METTL2A: variants seen among roughly 807,000 people sequenced by gnomAD.
The protein encoded by METTL2A is tRNA N(3)-cytidine methyltransferase METTL2A.
METTL2A carries 45 observed loss-of-function variants against 49.4 expected under a neutral mutation model. The ratio of observed to expected loss-of-function variants is 0.91; its 90% confidence interval spans 0.72 to 1.17. The LOEUF is 1.17. METTL2A is among the 50% of genes most tolerant of loss of function. The pLI, the probability that METTL2A is intolerant of heterozygous loss-of-function variation, is 0.00. For missense variants in METTL2A, 361 were observed against 462.2 expected (o/e 0.78, Z 2.01); for synonymous variants, 118 against 167.5 (o/e 0.70, Z 2.28).
At chr17:62,446,191 T>G (rs544425467) in intron 7 of METTL2A, among the ~76,000 whole-genome samples, 1 of 152,346 alleles carries the variant, frequency 6.6e-6, no homozygotes, top group South Asian at 2.1e-4. Context: ...TTTGCCGTTA[T>G]TGCCCAGGCT....
At chr17:62,436,111 C>T (rs1373289596) in intron 5 of METTL2A, among the ~76,000 whole-genome samples, 5 of 152,072 alleles carry the variant, frequency 3.3e-5, no homozygotes, top group South Asian at 4.1e-4. Flanking sequence ...CAAAAAATGG[C>T]GCATACCTGT....
chr17:62,446,988 G>A (rs2070773141), intron 7 of METTL2A, among the ~76,000 whole-genome samples: 1 of 152,204 alleles, frequency 6.6e-6, no homozygotes, highest in Admixed American at 6.6e-5. Context: ...GGGAAAGCAT[G>A]TTCATGATCA....
chr17:62,434,635 A>AT (rs1201787716), intron 4 of METTL2A, among the ~76,000 whole-genome samples: 3 of 152,192 alleles, frequency 2.0e-5, no homozygotes, highest in Admixed American at 6.6e-5. Flanking sequence ...TAAAATCAAC[A>AT]TTTTTTGTGT....
intron 6 of METTL2A, among the ~76,000 whole-genome samples, chr17:62,441,784 C>T (rs1446123964): frequency 4.7e-5 from 7 of 149,576 alleles, no homozygotes; most frequent in African/African-American, 1.2e-4. Context: ...TCTGTTGCCC[C>T]GGCTGGGGTG....
rs376499301 is a variant in METTL2A at position 62,448,677 on chromosome 17, G to C, written c.1085G>C (p.Arg362Pro). ...VNRGKQLTMYRVWIQCKYCKP... is the reference protein window; with the variant it reads ...VNRGKQLTMYPVWIQCKYCKP... Reference sequence around the variant, plus strand: ...CGAGGAAAGCAACTGACAATGTACCGGGTTTGGATTCAGTGCAAATACTGC... The same window carrying C: ...CGAGGAAAGCAACTGACAATGTACCCGGTTTGGATTCAGTGCAAATACTGC... The change falls in exon 9 of 9, where the codon CGG (arginine) becomes CCG (proline). Residue 362 changes from arginine to proline, a missense_variant. Arg to Pro is a moderately radical substitution (Grantham distance 103). Around this residue, in one of 3 missense-constraint regions of METTL2A, gnomAD observed 183 missense variants for 216.5 expected, o/e 0.85. Transcript: ENST00000311506. The C allele has an allele frequency of 6.2e-7, 1 of 1,614,144 alleles. No individual in the cohort carries two copies. Among genetic ancestry groups the C allele is most frequent in the Admixed American group, 1.7e-5 (1 of 59,982 alleles).
chr17:62,447,705 G>C lies in METTL2A; in HGVS notation c.921G>C (p.Gln307His). The C allele has an allele frequency of 6.2e-7, 1 of 1,614,170 alleles. No homozygotes were observed. Among genetic ancestry groups the C allele is most frequent in the Non-Finnish European group, 8.5e-7 (1 of 1,180,004 alleles). The change falls in exon 8 of 9, where the codon CAG becomes CAC. Residue 307 changes from glutamine to histidine, a missense_variant. By Grantham distance (24) the Gln-to-His change is conservative. Coordinates refer to ENST00000311506, the MANE Select transcript of METTL2A (RefSeq NM_181725.4). ...DMAQLRFKKG[Q>H]CLSGNFYVRG... ...TTTTAACACATCACTCTGCAGGTCA[G>C]TGTCTATCTGGAAATTTCTACGTGA...
chr17:62,426,021 C>T (rs974600990), intron 2 of METTL2A, among the ~76,000 whole-genome samples: 4 of 150,666 alleles, frequency 2.7e-5, no homozygotes, highest in African/African-American at 9.8e-5. Flanking sequence ...AAAAAGGCAT[C>T]CAAAGATGTA....
intron 3 of METTL2A, 106 bp from the exon 4 acceptor site, chr17:62,427,682 A>G: frequency 6.5e-7 from 1 of 1,548,346 alleles, no homozygotes; most frequent in Non-Finnish European, 8.7e-7. Flanking sequence ...ACCTTCCCTA[A>G]TACAGTTAGG....
intron 6 of METTL2A, among the ~76,000 whole-genome samples, chr17:62,441,137 C>G (rs2070736406): frequency 2.0e-5 from 3 of 152,128 alleles, no homozygotes. Context: ...GAGTTGGGCT[C>G]AAAGTAAAAA....
At chr17:62,436,989 T>G (rs2070704994) in intron 5 of METTL2A, among the ~76,000 whole-genome samples, 1 of 152,242 alleles carries the variant, frequency 6.6e-6, no homozygotes, top group Non-Finnish European at 1.5e-5. Flanking sequence ...TTGATCTCAA[T>G]AAACCACTTT....
intron 7 of METTL2A, among the ~76,000 whole-genome samples, chr17:62,446,468 G>T (rs1439815871): frequency 4.6e-5 from 7 of 152,112 alleles, no homozygotes; most frequent in Non-Finnish European, 8.8e-5. Flanking sequence ...GTGCCACCAC[G>T]CCTGGCTAAT....
rs750767944 is a variant in METTL2A, at chr17:62,444,208, G to A, written c.810-629G>A. ...CTCAGGATTCAGCTCAGCCACAGGC[G>A]CACAGGGCAAAGATGGCTATCTAGG... On this transcript the variant is annotated intron_variant, in intron 6 of 8. Coordinates refer to ENST00000311506, the MANE Select transcript of METTL2A (RefSeq NM_181725.4). Among the ~76,000 whole-genome samples, 7 of 152,226 alleles carry A rather than the reference G, an allele frequency of 4.6e-5. No individual in the cohort carries two copies. The South Asian group carries it at 8.3e-4, about 18-fold the overall frequency.
intron 4 of METTL2A, among the ~76,000 whole-genome samples, chr17:62,429,447 C>T (rs888346093): frequency 2.0e-5 from 3 of 151,942 alleles, no homozygotes; most frequent in African/African-American, 7.3e-5. Context: ...CATGCCACCA[C>T]ACACAACTAA....
chr17:62,428,142 T>A (rs1456599685), intron 4 of METTL2A, among the ~76,000 whole-genome samples: 1 of 152,248 alleles, frequency 6.6e-6, no homozygotes, highest in Non-Finnish European at 1.5e-5. Flanking sequence ...AAAATTAGAC[T>A]TAAAACTTGC....
chr17:62,445,195 A>G (rs954753943), intron 7 of METTL2A, among the ~76,000 whole-genome samples: 1 of 151,930 alleles, frequency 6.6e-6, no homozygotes, highest in Non-Finnish European at 1.5e-5. Context: ...CCTAATGTAG[A>G]TGACGGGTTG....
At position 62,435,289 on chromosome 17, in the gene METTL2A, C is replaced by G. The variant is rs1362485617; in HGVS notation, c.666C>G (p.Val222=). Residue 222 remains valine (V), a synonymous_variant, in exon 5 of 9, where the codon GTC becomes GTG. Transcript: ENST00000311506. ...CDFSSTAIEL[V]QTNSEYDPSR... ...TTTCTTCCACAGCTATAGAACTGGT[C>G]CAGGTGAGTACAATGGGAAATTACC... The G allele has an allele frequency of 1.2e-6, 2 of 1,613,676 alleles. No individual in the cohort carries two copies. Among genetic ancestry groups the G allele is most frequent in the Non-Finnish European group, 1.7e-6 (2 of 1,179,848 alleles).
At chr17:62,435,575 T>C (rs371927467) in intron 5 of METTL2A, among the ~76,000 whole-genome samples, 1 of 152,232 alleles carries the variant, frequency 6.6e-6, no homozygotes, top group Non-Finnish European at 1.5e-5. Flanking sequence ...TTAGTATCTA[T>C]GTGTCATGCT....
At chr17:62,428,790 T>C (rs1226518818) in intron 4 of METTL2A, among the ~76,000 whole-genome samples, 1 of 152,226 alleles carries the variant, frequency 6.6e-6, no homozygotes, top group East Asian at 1.9e-4. Context: ...TCAAGGGGTT[T>C]TTTTTAGTTT....
intron 6 of METTL2A, 129 bp downstream of exon 6, chr17:62,440,885 A>C (rs1329780441): frequency 8.1e-7 from 1 of 1,237,732 alleles, no homozygotes; most frequent in Non-Finnish European, 1.1e-6. Flanking sequence ...GGCTCACTGC[A>C]GCCTTAACCT....
Sources: gnomAD v4.1 joint callset for allele counts (sites outside exome capture counted in the v4.1 genomes callset) on GRCh38, gnomAD v4.1.1 for gene constraint, gnomAD v4.1.1 regional missense constraint, MANE v1.5 for transcripts, NCBI Gene and HGNC (gene_info 2026-07-23, HGNC 2026-07-21) for gene names.